The following PLA2G4A variants were observed in gnomAD, a reference collection of about 807,000 sequenced individuals.
The protein encoded by PLA2G4A is phospholipase A2 group IVA, also known as cytosolic phospholipase A2.
Under a neutral mutation model 81.9 loss-of-function variants are expected in PLA2G4A, and 40 were observed. That is an observed-to-expected ratio of 0.49 (90% CI 0.38 to 0.64). The LOEUF is 0.64. PLA2G4A is among the 30% of genes least tolerant of loss of function. The pLI, the probability that PLA2G4A is intolerant of heterozygous loss-of-function variation, is 0.00. For missense variants in PLA2G4A, 715 were observed against 905.1 expected, an observed-to-expected ratio of 0.79 and a Z score of 2.69; for synonymous variants, 302 against 296.9, an observed-to-expected ratio of 1.02 and a Z score of -0.18.
intron 3 of PLA2G4A, among the ~76,000 whole-genome samples, chr1:186,885,253 A>G (rs1056695997): frequency 5.8e-4 from 88 of 152,296 alleles, no homozygotes; most frequent in African/African-American, 2.0e-3. Flanking sequence ...CAGGACAAAG[A>G]TATTGGCAGT....
chr1:186,938,326 A>C (rs540812233), intron 8 of PLA2G4A, among the ~76,000 whole-genome samples: 2 of 152,134 alleles, frequency 1.3e-5, no homozygotes, highest in Non-Finnish European at 2.9e-5. Context: ...TCAAATATCA[A>C]GGCTCATGGT....
At chr1:186,857,525 A>G (rs1652632896) in intron 2 of PLA2G4A, among the ~76,000 whole-genome samples, 1 of 139,926 alleles carries the variant, frequency 7.1e-6, no homozygotes, top group Non-Finnish European at 1.5e-5. Context: ...AATATAATAT[A>G]ACTATAGAAT....
At chr1:186,841,122 A>G (rs1190095594) in intron 1 of PLA2G4A, among the ~76,000 whole-genome samples, 8 of 152,210 alleles carry the variant, frequency 5.3e-5, no homozygotes, top group African/African-American at 1.7e-4. Context: ...ACACCTATCA[A>G]TGTGATATTA....
rs747022024 is a variant in PLA2G4A, at chr1:186,988,369, A to G, written c.2119-8A>G. 9 of 1,607,348 alleles carry G rather than the reference A, an allele frequency of 5.6e-6. No individual in the cohort carries two copies. The South Asian group carries it at 9.9e-5, about 18-fold the overall frequency. ...CGCTAATTATACAACTTCTGTCTCT[A>G]TTTGCAGGTGATAAAAGAAGCCATG... On this transcript the variant is annotated splice_polypyrimidine_tract_variant and splice_region_variant and intron_variant, in intron 17 of 17. Transcript: ENST00000367466.
At chr1:186,835,557 T>G (rs1200375419) in intron 1 of PLA2G4A, among the ~76,000 whole-genome samples, 1 of 152,192 alleles carries the variant, frequency 6.6e-6, no homozygotes, top group Non-Finnish European at 1.5e-5. Context: ...CATTAGCCAC[T>G]GTTGTGTCTA....
At position 186,938,448 on chromosome 1, in the gene PLA2G4A, A is replaced by G. The variant is rs144431372; in HGVS notation, c.696-560A>G. Among the ~76,000 whole-genome samples the G allele has an allele frequency of 1.3e-4, 20 of 152,262 alleles. No individual in the cohort carries two copies. In the East Asian group the frequency reaches 3.9e-3, roughly 29 times the overall value. Reference sequence around the variant, plus strand: ...TTTAGGATTTTGCCTTCAGATTCATATGTTCAGAAATTTAGAGACCTACAG... The same window carrying G: ...TTTAGGATTTTGCCTTCAGATTCATGTGTTCAGAAATTTAGAGACCTACAG... On this transcript the variant is annotated intron_variant, in intron 8 of 17. Transcript: ENST00000367466.
At chr1:186,903,922 C>G (rs1245821036) in intron 5 of PLA2G4A, among the ~76,000 whole-genome samples, 1 of 152,174 alleles carries the variant, frequency 6.6e-6, no homozygotes, top group East Asian at 1.9e-4. Flanking sequence ...GTCCCTGGTG[C>G]CAAAAATGTT....
chr1:186,908,179 G>A (rs1360293048), intron 6 of PLA2G4A, among the ~76,000 whole-genome samples: 1 of 151,926 alleles, frequency 6.6e-6, no homozygotes, highest in African/African-American at 2.4e-5. Context: ...GAATTAATTA[G>A]AAAGTTAAAA....
At chr1:186,831,051 CT>C (rs1433883912) in intron 1 of PLA2G4A, among the ~76,000 whole-genome samples, 1 of 125,712 alleles carries the variant, frequency 8.0e-6, no homozygotes, top group Admixed American at 8.1e-5. Context: ...TCTTTCTTTT[CT>C]TTTTCTTTCT....
At chr1:186,895,337 AG>A (rs1654296203) in intron 5 of PLA2G4A, among the ~76,000 whole-genome samples, 1 of 152,220 alleles carries the variant, frequency 6.6e-6, no homozygotes, top group South Asian at 2.1e-4. Context: ...AGGTACCTTG[AG>A]GATGCTCTGG....
At chr1:186,955,204 GCATTTGTTTAAATT>G (rs1377918133) in intron 13 of PLA2G4A, among the ~76,000 whole-genome samples, 1 of 152,124 alleles carries the variant, frequency 6.6e-6, no homozygotes, top group East Asian at 1.9e-4. Context: ...AAATGTTTAG[GCATTTGTTTAAATT>G]AAAGGCTTTT....
intron 12 of PLA2G4A, among the ~76,000 whole-genome samples, chr1:186,948,813 C>T (rs529513345): frequency 3.9e-5 from 6 of 152,152 alleles, no homozygotes; most frequent in South Asian, 4.2e-4. Flanking sequence ...GGGGGAATAT[C>T]GTGTATGTGT....
At chr1:186,870,838 T>C (rs1201702699) in intron 3 of PLA2G4A, 5 of 727,436 alleles carry the variant, frequency 6.9e-6, no homozygotes, top group Non-Finnish European at 1.1e-5. Context: ...GGTTCTGCCT[T>C]CTTCAAATGT....
At chr1:186,877,190 C>T (rs1012084540) in intron 3 of PLA2G4A, among the ~76,000 whole-genome samples, 2 of 151,996 alleles carry the variant, frequency 1.3e-5, no homozygotes, top group African/African-American at 4.8e-5. Context: ...ATGGAGAGGG[C>T]AGACTACTCG....
At chr1:186,927,354 T>A (rs756013770) in intron 7 of PLA2G4A, among the ~76,000 whole-genome samples, 94 of 152,160 alleles carry the variant, frequency 6.2e-4, no homozygotes, top group Middle Eastern at 3.2e-3. Context: ...TGTATGGGGA[T>A]TTTTGGTGTG....
At position 186,854,301 on chromosome 1, in the gene PLA2G4A, G is replaced by C; in HGVS notation, c.-54G>C. On this transcript the variant is annotated 5_prime_UTR_variant, in exon 2 of 18. Transcript: ENST00000367466. ...TATTTTGTAGGTTTTAAAGACGCTA[G>C]AGTGCCAAAGAAGACTTTGAAGTGT... 3.9e-6 allele frequency: 4 copies of C among 1,030,718 alleles called. No individual in the cohort carries two copies. Among genetic ancestry groups the C allele is most frequent in the Non-Finnish European group, 6.2e-6 (4 of 648,864 alleles). The allele number at this position is 1,030,718 out of a possible 1,614,324, so 63.8% of individuals were successfully genotyped here. A position where few individuals can be genotyped will look rare whatever the true frequency, so the allele number is the denominator to read the frequency against.
intron 17 of PLA2G4A, among the ~76,000 whole-genome samples, chr1:186,986,717 T>A (rs1191361004): frequency 1.3e-5 from 2 of 152,168 alleles, no homozygotes; most frequent in African/African-American, 4.8e-5. Flanking sequence ...ATAGAAATGA[T>A]CTCCAATCCC....
At position 186,868,790 on chromosome 1, in the gene PLA2G4A, T is replaced by C. The variant is rs1043617326; in HGVS notation, c.34-1645T>C. Among the ~76,000 whole-genome samples the C allele has an allele frequency of 3.9e-5, 6 of 152,306 alleles. No individual in the cohort carries two copies. In the South Asian group the frequency reaches 1.2e-3, roughly 32 times the overall value. ...TCTTTTAAGAAATCGATCCATTTCATCTAGGTTATCAAATTCGTGAGCATA... is the reference window on the plus strand; with the variant it reads ...TCTTTTAAGAAATCGATCCATTTCACCTAGGTTATCAAATTCGTGAGCATA... On this transcript the variant is annotated intron_variant, in intron 2 of 17. Coordinates refer to ENST00000367466, the MANE Select transcript of PLA2G4A (RefSeq NM_024420.3).
chr1:186,973,177 G>A (rs1262456808), intron 15 of PLA2G4A, among the ~76,000 whole-genome samples: 2 of 152,156 alleles, frequency 1.3e-5, no homozygotes, highest in African/African-American at 2.4e-5. Flanking sequence ...CAGTTTCGGA[G>A]GGCAGAAGTT....
Sources: allele counts gnomAD v4.1 joint callset (sites outside exome capture counted in the v4.1 genomes callset), GRCh38; gene constraint gnomAD v4.1.1; transcripts MANE v1.5; gene names NCBI Gene and HGNC (gene_info 2026-07-23, HGNC 2026-07-21).